LIMA1: variants seen among roughly 807,000 people sequenced by gnomAD.
The protein encoded by LIMA1 is LIM domain and actin-binding protein 1.
LIMA1 carries 52 observed loss-of-function variants against 62.6 expected under a neutral mutation model. The ratio of observed to expected loss-of-function variants is 0.83; its 90% CI spans 0.67 to 1.05. The LOEUF (loss-of-function observed/expected upper bound fraction) is 1.05, where lower values mean the gene tolerates loss of function less well. LIMA1 is among the 50% of genes least tolerant of loss of function. The pLI, the probability that LIMA1 is intolerant of heterozygous loss-of-function variation, is 0.00. For missense variants in LIMA1, 780 were observed against 902.2 expected (o/e 0.86, Z 1.74); for synonymous variants, 302 against 317.8 (o/e 0.95, Z 0.53).
chr12:50,232,972 G>C (rs1282224587), intron 2 of LIMA1, among the ~76,000 whole-genome samples: 2 of 152,186 alleles, frequency 1.3e-5, no homozygotes, highest in Non-Finnish European at 2.9e-5. Context: ...AGGTGACGGA[G>C]CGAGATTCAA....
intron 1 of LIMA1, among the ~76,000 whole-genome samples, chr12:50,266,093 T>C (rs1942135691): frequency 1.3e-5 from 2 of 152,206 alleles, no homozygotes; most frequent in South Asian, 4.1e-4. Flanking sequence ...TAGAAGTCCC[T>C]GCCAGCTCTT....
At position 50,177,606 on chromosome 12, in the gene LIMA1, G is replaced by A. The variant is rs746911119; in HGVS notation, c.1738C>T (p.Arg580Ter). The A allele has an allele frequency of 5.6e-6, 9 of 1,611,078 alleles. No homozygotes were observed. Among genetic ancestry groups the A allele is most frequent in the African/African-American group, 5.4e-5 (4 of 74,704 alleles). Residue 580 changes from arginine (R) to a stop codon, truncating the protein, a stop_gained, in exon 11 of 11, where the codon CGA becomes TGA. Transcript: ENST00000341247. LOFTEE classifies it low-confidence loss of function (END_TRUNC). Reference protein sequence around the residue: ...DVDLDLKKLRRSSSLKERSRP... With the variant: ...DVDLDLKKLR ...CTTCTTTCCTTCAGTGAAGAAGATC[G>A]TCTTAGCTTCTTCAGATCTAGATCG... is the stretch of plus-strand genomic sequence containing the variant.
chr12:50,255,608 GAAAGAAAGA>G (rs1941986192), intron 1 of LIMA1, among the ~76,000 whole-genome samples: 1 of 148,116 alleles, frequency 6.8e-6, no homozygotes, highest in Non-Finnish European at 1.5e-5. Context: ...GAAAAGAAAG[GAAAGAAAGA>G]AAAGAAAAAC....
rs1174594723 is a variant in LIMA1 at position 50,267,139 on chromosome 12, G to A, written c.-24+16281C>T. On this transcript the variant is annotated intron_variant, in intron 1 of 10. Transcript: ENST00000341247. The stretch of plus-strand genomic sequence containing the variant: ...GGCTGGAGTGCAGTTGCGCAATCTC[G>A]GCTCACTGCAAGCTCCATCTCCCGG... 4.6e-5 allele frequency among the ~76,000 whole-genome samples: 7 copies of A among 151,926 alleles called. No homozygotes were observed. In the South Asian group the frequency reaches 8.3e-4, roughly 18 times the overall value.
At chr12:50,202,669 T>TA (rs1043565218) in intron 6 of LIMA1, among the ~76,000 whole-genome samples, 3 of 152,210 alleles carry the variant, frequency 2.0e-5, no homozygotes, top group Admixed American at 6.5e-5. Flanking sequence ...AAATTACAGT[T>TA]AAAAAACCAA....
At chr12:50,231,591 A>G in intron 3 of LIMA1, 74 bp downstream of exon 3, 1 of 1,331,478 alleles carries the variant, frequency 7.5e-7, no homozygotes, top group Non-Finnish European at 1.1e-6. Context: ...CAAGCCCCAC[A>G]GAGGCTGCAG....
chr12:50,244,749 C>A (rs1460174570), intron 2 of LIMA1, among the ~76,000 whole-genome samples: 1 of 152,180 alleles, frequency 6.6e-6, no homozygotes, highest in Non-Finnish European at 1.5e-5. Flanking sequence ...CTTTTCCAAC[C>A]TCTTAACTCT....
chr12:50,195,705 C>T, intron 8 of LIMA1, 125 bp downstream of exon 8: 1 of 932,344 alleles, frequency 1.1e-6, no homozygotes, highest in Non-Finnish European at 1.6e-6. Context: ...AGCATTAGCC[C>T]TTAAATTCAA....
chr12:50,177,903 G>A lies in LIMA1; in HGVS notation c.1441C>T (p.Leu481Phe), dbSNP rs771107454. Reference protein sequence around the residue: ...NEEILERPAQLANARETPHSP... With the variant: ...NEEILERPAQFANARETPHSP... ...TGAGGGGTCTCCCTTGCATTTGCAA[G>A]CTGGGCTGGTCTCTCCAAAATCTCT... is the stretch of plus-strand genomic sequence containing the variant. Residue 481 changes from leucine to phenylalanine, a missense_variant, in exon 11 of 11, where the codon CTT (leucine) becomes TTT (phenylalanine). Transcript: ENST00000341247. The A allele has an allele frequency of 6.2e-6, 10 of 1,613,854 alleles. No homozygotes were observed. Among genetic ancestry groups the A allele is most frequent in the Admixed American group, 1.7e-5 (1 of 59,938 alleles).
intron 1 of LIMA1, among the ~76,000 whole-genome samples, chr12:50,266,689 A>G (rs1942142880): frequency 6.6e-6 from 1 of 152,234 alleles, no homozygotes; most frequent in South Asian, 2.1e-4. Context: ...AAATTTTTAA[A>G]TAGATATTCT....
intron 8 of LIMA1, 118 bp from the exon 9 acceptor site, chr12:50,192,679 GA>G: frequency 4.4e-6 from 3 of 679,652 alleles, no homozygotes; most frequent in South Asian, 1.6e-5. Context: ...CCAACACCAG[GA>G]AAAACACTGC....
chr12:50,224,631 C>T (rs1157272787), intron 3 of LIMA1: 2 of 152,186 alleles, frequency 1.3e-5, no homozygotes, highest in Admixed American at 1.3e-4. Context: ...CTGTTTTTCT[C>T]AGATACCTAT....
chr12:50,203,839 T>C (rs564268017), intron 6 of LIMA1, among the ~76,000 whole-genome samples: 87 of 152,346 alleles, frequency 5.7e-4, no homozygotes, highest in African/African-American at 1.8e-3. Flanking sequence ...GTAGAAGATC[T>C]ACTGTATGAC....
At chr12:50,202,487 C>T (rs573358803) in intron 6 of LIMA1, among the ~76,000 whole-genome samples, 2 of 152,118 alleles carry the variant, frequency 1.3e-5, no homozygotes, top group Non-Finnish European at 2.9e-5. Context: ...AATCTGGTAA[C>T]AAGAGGAAGT....
chr12:50,187,749 T>G (rs1443876288), intron 9 of LIMA1: 1 of 152,218 alleles, frequency 6.6e-6, no homozygotes, highest in African/African-American at 2.4e-5. Flanking sequence ...TGCCATGTTC[T>G]CTCTCAACAT....
At chr12:50,260,429 G>T (rs1356017195) in intron 1 of LIMA1, among the ~76,000 whole-genome samples, 2 of 152,138 alleles carry the variant, frequency 1.3e-5, no homozygotes, top group Admixed American at 6.5e-5. Context: ...GATTAGAGGC[G>T]TGAGCCACCA....
At chr12:50,206,894 A>G (rs975002977) in intron 4 of LIMA1, among the ~76,000 whole-genome samples, 1 of 152,040 alleles carries the variant, frequency 6.6e-6, no homozygotes, top group Non-Finnish European at 1.5e-5. Context: ...TTTTGTCCAT[A>G]TATTTCCAGG....
chr12:50,280,382 T>C (rs1371223674), intron 1 of LIMA1, among the ~76,000 whole-genome samples: 1 of 152,012 alleles, frequency 6.6e-6, no homozygotes, highest in Non-Finnish European at 1.5e-5. Context: ...ATGGTCTCGA[T>C]CTCCTGACCT....
chr12:50,188,917 C>T (rs763605944), intron 9 of LIMA1: 9 of 152,252 alleles, frequency 5.9e-5, no homozygotes, highest in East Asian at 5.8e-4. Context: ...ATTTGCTAGC[C>T]GTTCTTGATC....
Sources: allele counts gnomAD v4.1 joint callset (sites outside exome capture counted in the v4.1 genomes callset), GRCh38; gene constraint gnomAD v4.1.1; transcripts MANE v1.5; gene names NCBI Gene and HGNC (gene_info 2026-07-23, HGNC 2026-07-21).